Variants in PPA2 observed in about 807,000 individuals in gnomAD.
The protein encoded by PPA2 is inorganic pyrophosphatase 2, mitochondrial.
In PPA2, 48 loss-of-function variants were observed where a neutral mutation model predicts 49.5. That is an observed-to-expected ratio of 0.97 (90% confidence interval 0.77 to 1.23). PPA2 has a LOEUF of 1.23. Among genes scored for constraint, PPA2 ranks in the 50% most tolerant of loss-of-function variants. PPA2 has a pLI of 0.00. For missense variants in PPA2, 429 were observed against 410.1 expected (o/e 1.05, Z -0.40); for synonymous variants, 131 against 139.9 (o/e 0.94, Z 0.45).
intron 11 of PPA2, among the ~76,000 whole-genome samples, chr4:105,370,390 G>T (rs1019188173): frequency 1.3e-5 from 2 of 151,688 alleles, no homozygotes; most frequent in Admixed American, 6.6e-5. Flanking sequence ...ATTTTTACTT[G>T]TTTATTAAAA....
chr4:105,473,596 T>C lies in PPA2; in HGVS notation c.157+298A>G, dbSNP rs1723625543. The C allele has an allele frequency of 6.5e-6, 4 of 618,196 alleles. No homozygotes were observed. The East Asian group carries it at 1.4e-4, about 21-fold the overall frequency. 38.3% of individuals were successfully genotyped at this position (618,196 alleles called of 1,614,324 possible). ...CGCCGCGGGGTGGCCGCTTGCACTC[T>C]GCCTACCCCTCGGGGAGGGCGGCTG... On this transcript the variant is annotated intron_variant, in intron 1 of 11. Coordinates refer to ENST00000341695, the MANE Select transcript of PPA2 (RefSeq NM_176869.3).
intron 9 of PPA2, 61 bp from the exon 10 acceptor site, chr4:105,386,697 A>C: frequency 7.2e-7 from 1 of 1,387,176 alleles, no homozygotes; most frequent in East Asian, 2.4e-5. Context: ...TACCAAAAAA[A>C]CCCCAAAAAC....
intron 1 of PPA2, among the ~76,000 whole-genome samples, chr4:105,459,124 T>C (rs937023883): frequency 6.6e-6 from 1 of 152,202 alleles, no homozygotes; most frequent in African/African-American, 2.4e-5. Context: ...GTTAACATAA[T>C]TTTTATTTCC....
Position 105,473,942 on chromosome 4 carries a change from T to G in PPA2, c.109A>C (p.Thr37Pro), listed in dbSNP as rs552648091. The change falls in exon 1 of 12, where the codon ACT (threonine) becomes CCT (proline). Residue 37 changes from threonine (T) to proline (P), a missense_variant. By Grantham distance (38) the Thr-to-Pro change is conservative (BLOSUM62 -1). Coordinates refer to ENST00000341695, the MANE Select transcript of PPA2 (RefSeq NM_176869.3). ...GAGCAGGGCTGGCCGCGCTCCTCAG[T>G]GTGGTACAGGGCCATAGCACGGCGC... ...GSRRAMALYH[T>P]EERGQPCSQN... is the part of the protein sequence containing the mutation. The G allele has an allele frequency of 6.2e-7, 1 of 1,612,308 alleles. No homozygotes were observed. The highest frequency in any genetic ancestry group is 8.5e-7 in the Non-Finnish European group (1 of 1,179,344).
chr4:105,432,177 C>G (rs182473636), intron 6 of PPA2, among the ~76,000 whole-genome samples: 1 of 152,276 alleles, frequency 6.6e-6, no homozygotes, highest in Admixed American at 6.5e-5. Context: ...CATAATAAAA[C>G]AGCTCCTATC....
intron 5 of PPA2, among the ~76,000 whole-genome samples, chr4:105,438,830 C>CA (rs1301129323): frequency 6.6e-6 from 1 of 152,152 alleles, no homozygotes; most frequent in Admixed American, 6.5e-5. Flanking sequence ...CAGAGACCGT[C>CA]ATCCCAAGAA....
intron 7 of PPA2, among the ~76,000 whole-genome samples, chr4:105,419,273 C>T (rs942563607): frequency 6.6e-6 from 1 of 152,116 alleles, no homozygotes; most frequent in Non-Finnish European, 1.5e-5. Flanking sequence ...CGTCATTTAA[C>T]GTTAGGTATA....
At chr4:105,469,177 C>T (rs1445846599) in intron 1 of PPA2, among the ~76,000 whole-genome samples, 1 of 152,144 alleles carries the variant, frequency 6.6e-6, no homozygotes, top group Non-Finnish European at 1.5e-5. Context: ...TGATTGTAGT[C>T]ACTGTGTCAT....
At chr4:105,455,127 A>AC (rs1722827510) in intron 2 of PPA2, among the ~76,000 whole-genome samples, 2 of 152,250 alleles carry the variant, frequency 1.3e-5, no homozygotes, top group African/African-American at 4.8e-5. Flanking sequence ...TCACTACTAC[A>AC]CCCACAGTGC....
At chr4:105,459,764 A>G (rs1186969263) in intron 1 of PPA2, among the ~76,000 whole-genome samples, 7 of 152,266 alleles carry the variant, frequency 4.6e-5, no homozygotes, top group Non-Finnish European at 1.0e-4. Context: ...CTATTGATAC[A>G]CACAATAAAA....
intron 5 of PPA2, 22 bp downstream of exon 5, chr4:105,446,361 A>G (rs1168991579): frequency 3.3e-6 from 5 of 1,537,354 alleles, no homozygotes; most frequent in Non-Finnish European, 4.4e-6. Flanking sequence ...GGAACATTTT[A>G]CCATTGTAAC....
intron 4 of PPA2, among the ~76,000 whole-genome samples, chr4:105,447,739 T>G (rs922705394): frequency 6.7e-5 from 10 of 149,122 alleles, no homozygotes; most frequent in Non-Finnish European, 9.0e-5. Context: ...CTTTTTTCTT[T>G]TTTTTTTTTT....
At chr4:105,455,583 C>A (rs559849887) in intron 2 of PPA2, among the ~76,000 whole-genome samples, 2 of 152,104 alleles carry the variant, frequency 1.3e-5, no homozygotes, top group African/African-American at 4.8e-5. Context: ...TGAGATAAAC[C>A]ATATCAAGCA....
At chr4:105,436,457 G>C (rs563013105) in intron 6 of PPA2, among the ~76,000 whole-genome samples, 44 of 151,958 alleles carry the variant, frequency 2.9e-4, no homozygotes, top group African/African-American at 7.7e-4. Flanking sequence ...CACAGCATTA[G>C]GAAAAAACAA....
chr4:105,399,781 C>T (rs1270332947), intron 7 of PPA2: 2 of 152,220 alleles, frequency 1.3e-5, no homozygotes, highest in Non-Finnish European at 2.9e-5. Context: ...ACAGCAATCT[C>T]CCTTTATCCA....
intron 8 of PPA2, among the ~76,000 whole-genome samples, chr4:105,397,005 A>G (rs1734176607): frequency 1.3e-5 from 2 of 152,328 alleles, no homozygotes; most frequent in South Asian, 4.1e-4. Context: ...AAAATGCATA[A>G]GCAACAATAG....
intron 1 of PPA2, among the ~76,000 whole-genome samples, chr4:105,461,681 A>G (rs1456827761): frequency 6.6e-6 from 1 of 152,196 alleles, no homozygotes; most frequent in African/African-American, 2.4e-5. Context: ...GGGGCTCAGA[A>G]TTTTAGTTTA....
At chr4:105,434,020 G>T (rs964544498) in intron 6 of PPA2, among the ~76,000 whole-genome samples, 2 of 152,136 alleles carry the variant, frequency 1.3e-5, no homozygotes, top group African/African-American at 4.8e-5. Context: ...TTGAGACTCA[G>T]TCTTACCATG....
intron 10 of PPA2, among the ~76,000 whole-genome samples, chr4:105,383,702 T>C (rs1733581196): frequency 6.6e-6 from 1 of 152,186 alleles, no homozygotes; most frequent in Admixed American, 6.5e-5. Context: ...TACTTTGAAC[T>C]CATTTAACAT....
Sources: gnomAD v4.1 joint callset for allele counts (sites outside exome capture counted in the v4.1 genomes callset) on GRCh38, gnomAD v4.1.1 for gene constraint, MANE v1.5 for transcripts, NCBI Gene and HGNC (gene_info 2026-07-23, HGNC 2026-07-21) for gene names.